SBF2: variants seen among roughly 807,000 people sequenced by gnomAD.
SBF2 encodes the protein SET binding factor 2.
SBF2 carries 112 observed loss-of-function variants against 225.2 expected under a neutral mutation model. That is an observed-to-expected ratio of 0.50 (90% CI 0.43 to 0.58). The LOEUF (loss-of-function observed/expected upper bound fraction) is 0.58. Among genes scored for constraint, SBF2 ranks in the 20% least tolerant of loss-of-function variants. The pLI, the probability that SBF2 is intolerant of heterozygous loss-of-function variation, is 0.00. For synonymous variants in SBF2, 763 were observed against 773.3 expected (o/e 0.99, Z 0.22); for missense variants, 1,996 against 2,206.2 (o/e 0.90, Z 1.91).
At position 9,989,542 on chromosome 11, in the gene SBF2, C is replaced by T; in HGVS notation, c.1350G>A (p.Lys450=). The change falls in exon 13 of 40, where the codon AAG becomes AAA. Residue 450 remains lysine, a synonymous_variant. Transcript: ENST00000256190. The part of the protein sequence containing the change: ...RIKVEENNPV[K]MIKHVRELAE... The stretch of plus-strand genomic sequence containing the variant: ...CAAGTTCCCTGACATGCTTTATCAT[C>T]TTCACTGGGTTATTTTCTTCAACTT... 6.2e-7 allele frequency: 1 copy of T among 1,610,862 alleles called. No individual in the cohort carries two copies. The highest frequency in any genetic ancestry group is 1.7e-4 in the Middle Eastern group (1 of 6,044).
intron 2 of SBF2, among the ~76,000 whole-genome samples, chr11:10,093,208 T>C (rs1951855195): frequency 6.6e-6 from 1 of 151,684 alleles, no homozygotes. Flanking sequence ...TTAGAGACAG[T>C]TTTGCCATGT....
In SBF2 at chr11:9,829,511, T is replaced by C; in HGVS notation, c.3653-15A>G. 1.9e-6 allele frequency: 3 copies of C among 1,580,890 alleles called. No homozygotes were observed. The highest frequency in any genetic ancestry group is 1.3e-5 in the African/African-American group (1 of 74,310). ...GGAGGTAGGAGCTATAAAAGGAAAA[T>C]ATATTGAATAAAATAAACTGTCTCT... is the stretch of plus-strand genomic sequence containing the variant. On this transcript the variant is annotated splice_polypyrimidine_tract_variant and intron_variant, in intron 27 of 39. Coordinates refer to ENST00000256190, the MANE Select transcript of SBF2 (RefSeq NM_030962.4).
intron 1 of SBF2, among the ~76,000 whole-genome samples, chr11:10,253,045 A>T (rs1412511718): frequency 1.3e-5 from 2 of 149,280 alleles, no homozygotes; most frequent in Admixed American, 1.4e-4. Context: ...TTTAGATTTA[A>T]TTCAGCTTAA....
intron 17 of SBF2, among the ~76,000 whole-genome samples, chr11:9,867,741 T>A (rs1858352405): frequency 6.6e-6 from 1 of 152,142 alleles, no homozygotes; most frequent in Non-Finnish European, 1.5e-5. Flanking sequence ...CTGGAGGTCA[T>A]TATGTTAAAC....
intron 1 of SBF2, among the ~76,000 whole-genome samples, chr11:10,260,520 T>A (rs529073064): frequency 2.0e-5 from 3 of 151,974 alleles, no homozygotes; most frequent in Admixed American, 2.0e-4. Context: ...ATGGAGACCA[T>A]CCTGGCTAAC....
At chr11:9,877,640 T>C (rs1859373540) in intron 17 of SBF2, among the ~76,000 whole-genome samples, 1 of 152,078 alleles carries the variant, frequency 6.6e-6, no homozygotes, top group Non-Finnish European at 1.5e-5. Context: ...AGTGAGAACA[T>C]GCGGTGTTTG....
At chr11:9,800,395 T>C (rs1853417563) in intron 32 of SBF2, among the ~76,000 whole-genome samples, 1 of 152,058 alleles carries the variant, frequency 6.6e-6, no homozygotes, top group African/African-American at 2.4e-5. Flanking sequence ...AAAGTATTTA[T>C]TTATTTATTT....
chr11:10,225,184 T>C (rs73416938), intron 1 of SBF2, among the ~76,000 whole-genome samples: 1 of 152,186 alleles, frequency 6.6e-6, no homozygotes, highest in African/African-American at 2.4e-5. Flanking sequence ...CAACTGAACT[T>C]ATATAAATTA....
chr11:9,874,964 T>C (rs1398253840), intron 17 of SBF2, among the ~76,000 whole-genome samples: 1 of 152,222 alleles, frequency 6.6e-6, no homozygotes, highest in Non-Finnish European at 1.5e-5. Context: ...GTAAGCTGAT[T>C]ATAAGAACAT....
intron 1 of SBF2, among the ~76,000 whole-genome samples, chr11:10,248,127 G>A (rs748757097): frequency 6.6e-6 from 1 of 152,174 alleles, no homozygotes; most frequent in Non-Finnish European, 1.5e-5. Flanking sequence ...CTGGCGACCT[G>A]TGAAATTACC....
intron 16 of SBF2, among the ~76,000 whole-genome samples, chr11:9,943,674 A>T (rs11042565): frequency 0.017 from 2,640 of 152,094 alleles, 59 homozygotes; most frequent in African/African-American, 0.051. Flanking sequence ...AATTACAATG[A>T]TATGTCCTTT....
At chr11:9,928,910 T>C (rs1028146254) in intron 16 of SBF2, 2 of 392,368 alleles carry the variant, frequency 5.1e-6, no homozygotes, top group African/African-American at 4.1e-5. Flanking sequence ...TGATGTTAGA[T>C]AAAAATTAAA....
At chr11:10,220,616 C>T (rs1958306352) in intron 1 of SBF2, among the ~76,000 whole-genome samples, 1 of 152,128 alleles carries the variant, frequency 6.6e-6, no homozygotes, top group Non-Finnish European at 1.5e-5. Flanking sequence ...ATCATTCTAA[C>T]ATGCAAATTT....
intron 2 of SBF2, among the ~76,000 whole-genome samples, chr11:10,153,003 G>A (rs1014529269): frequency 4.6e-5 from 7 of 152,278 alleles, no homozygotes; most frequent in Admixed American, 3.9e-4. Flanking sequence ...AGTACTATAC[G>A]AGGCTTTCAT....
At position 9,933,138 on chromosome 11, in the gene SBF2, G is replaced by C. The variant is rs143480741; in HGVS notation, c.1860+28819C>G. On this transcript the variant is annotated intron_variant, in intron 16 of 39. Transcript: ENST00000256190. ...CCTAAATATAGATGCACCCAATACA[G>C]GAGCACCCAGATTCATAAAGCAAGT... Among the ~76,000 whole-genome samples, 2,912 of 152,116 alleles carry C rather than the reference G, an allele frequency of 0.019. 259 individuals are homozygous for C. In the East Asian group the frequency reaches 0.27, roughly 14 times the overall value.
chr11:9,805,904 AGCCACCAC>A (rs1360840227), intron 32 of SBF2, among the ~76,000 whole-genome samples: 1 of 152,222 alleles, frequency 6.6e-6, no homozygotes, highest in East Asian at 1.9e-4. Flanking sequence ...TACAGGCGTG[AGCCACCAC>A]GCCCGACCAG....
intron 17 of SBF2, among the ~76,000 whole-genome samples, chr11:9,863,015 CT>C (rs1020230212): frequency 2.0e-5 from 3 of 151,712 alleles, no homozygotes; most frequent in African/African-American, 7.3e-5. Flanking sequence ...AGATTCTGTC[CT>C]AAAAAAAAAA....
intron 2 of SBF2, among the ~76,000 whole-genome samples, chr11:10,120,348 T>C (rs1304758781): frequency 6.6e-6 from 1 of 152,228 alleles, no homozygotes; most frequent in Non-Finnish European, 1.5e-5. Context: ...TCTGGGTTGC[T>C]TCTACTTCTT....
chr11:9,856,770 G>A (rs768206798), intron 18 of SBF2, 50 bp from the exon 19 acceptor site: 3 of 1,518,146 alleles, frequency 2.0e-6, no homozygotes, highest in Non-Finnish European at 2.7e-6. Context: ...CTTCAGGTGA[G>A]CTTAAAAAAC....
Sources: gnomAD v4.1 joint callset for allele counts (sites outside exome capture counted in the v4.1 genomes callset) on GRCh38, gnomAD v4.1.1 for gene constraint, MANE v1.5 for transcripts, NCBI Gene and HGNC (gene_info 2026-07-23, HGNC 2026-07-21) for gene names.